ADH5: variants seen among roughly 807,000 people sequenced by gnomAD.
ADH5 encodes alcohol dehydrogenase class-3.
ADH5 carries 32 observed loss-of-function variants against 40.3 expected under a neutral mutation model. The observed-to-expected ratio is 0.79, with a 90% CI of 0.60 to 1.07. The LOEUF (loss-of-function observed/expected upper bound fraction) is 1.07. Among genes scored for constraint, ADH5 ranks in the 50% least tolerant of loss-of-function variants. The probability of loss-of-function intolerance (pLI) is 0.00; values close to 1 mark genes in which losing one functional copy is unlikely to be tolerated. For missense variants in ADH5, 353 were observed against 460.5 expected, an observed-to-expected ratio of 0.77 and a Z score of 2.14; for synonymous variants, 125 against 154.3, an observed-to-expected ratio of 0.81 and a Z score of 1.41.
intron 3 of ADH5, 189 bp from the exon 4 acceptor site, chr4:99,081,641 C>T (rs1728025925): frequency 1.7e-6 from 1 of 576,592 alleles, no homozygotes; most frequent in Non-Finnish European, 3.1e-6. Flanking sequence ...ATATTTTTAT[C>T]TAAATGAAAC....
At chr4:99,085,579 C>A in intron 1 of ADH5, 1 of 351,250 alleles carries the variant, frequency 2.8e-6, no homozygotes, top group Non-Finnish European at 5.7e-6. Flanking sequence ...TTAACATATG[C>A]CTGAAGAAAT....
intron 6 of ADH5, 81 bp from the exon 7 acceptor site, chr4:99,075,130 G>T: frequency 7.7e-7 from 1 of 1,292,926 alleles, no homozygotes; most frequent in South Asian, 2.3e-5. Flanking sequence ...TTCTAGAGAT[G>T]GCATAGTTTT....
chr4:99,088,535 C>G (rs1728196497), intron 1 of ADH5, among the ~76,000 whole-genome samples, 154 bp downstream of exon 1: 1 of 151,228 alleles, frequency 6.6e-6, no homozygotes, highest in African/African-American at 2.4e-5. Flanking sequence ...CTCTTTCTGC[C>G]CCTCTGAGCC....
intron 4 of ADH5, among the ~76,000 whole-genome samples, chr4:99,078,550 G>A (rs1013827668): frequency 7.9e-5 from 12 of 152,088 alleles, no homozygotes; most frequent in African/African-American, 2.9e-4. Context: ...ACAAGCACGT[G>A]CCACCAAGCC....
At chr4:99,076,626 G>A in intron 5 of ADH5, 74 bp from the exon 6 acceptor site, 1 of 1,592,236 alleles carries the variant, frequency 6.3e-7, no homozygotes, top group Non-Finnish European at 8.6e-7. Context: ...ATACAGATTG[G>A]CCAATTTCAC....
At position 99,085,142 on chromosome 4, in the gene ADH5, G is replaced by A; in HGVS notation, c.87C>T (p.Pro29=). The A allele has an allele frequency of 1.3e-6, 2 of 1,534,458 alleles. No homozygotes were observed. The highest frequency in any genetic ancestry group is 2.1e-5 in the Admixed American group (1 of 47,696). ...PLSIEEIEVA[P]PKAHEVRIKI... ...TGATTCGAACTTCATGAGCCTTTGG[G>A]GGTGCCACCTCTATCTCCTCTATGG... is the stretch of plus-strand genomic sequence containing the variant. Residue 29 remains proline, a synonymous_variant, in exon 2 of 9, where the codon CCC becomes CCT. Transcript: ENST00000296412.
Position 99,072,601 on chromosome 4 carries a change from CT to C in ADH5, c.1071del (p.Ala358ProfsTer4). On this transcript the variant is annotated frameshift_variant, in exon 8 of 9. Transcript: ENST00000296412. LOFTEE classifies it high-confidence loss of function. The stretch of plus-strand genomic sequence containing the variant: ...TTTCCAGAATGCATCAGTTCAAAGG[CT>C]TTGTTGATTTCATCAAAAGACAGAT... ...THNLSFDEIN[K>X]AFELMHSGKS... The C allele has an allele frequency of 6.2e-7, 1 of 1,613,382 alleles. No homozygotes were observed. Among genetic ancestry groups the C allele is most frequent in the Non-Finnish European group, 8.5e-7 (1 of 1,179,694 alleles).
At chr4:99,086,734 G>T (rs1728141156) in intron 1 of ADH5, among the ~76,000 whole-genome samples, 1 of 151,344 alleles carries the variant, frequency 6.6e-6, no homozygotes, top group Admixed American at 6.6e-5. Context: ...CACGAGGTCA[G>T]GAGATCGAGA....
intron 2 of ADH5, among the ~76,000 whole-genome samples, chr4:99,082,377 T>C (rs1266797160): frequency 6.6e-6 from 1 of 152,200 alleles, no homozygotes; most frequent in Non-Finnish European, 1.5e-5. Context: ...CTAGTCCCCC[T>C]TTCAGCGCGC....
intron 2 of ADH5, among the ~76,000 whole-genome samples, chr4:99,084,895 A>G (rs1728100486): frequency 6.6e-6 from 1 of 152,202 alleles, no homozygotes; most frequent in South Asian, 2.1e-4. Flanking sequence ...CCATGGGGAT[A>G]GCTGCTCAGC....
intron 4 of ADH5, among the ~76,000 whole-genome samples, chr4:99,080,995 T>G (rs1728015972): frequency 1.3e-5 from 2 of 152,224 alleles, no homozygotes; most frequent in African/African-American, 4.8e-5. Flanking sequence ...TCTCTCTCCC[T>G]TTCCCACGCA....
chr4:99,072,769 A>T (rs1727857938), intron 7 of ADH5, 58 bp from the exon 8 acceptor site: 2 of 1,508,660 alleles, frequency 1.3e-6, no homozygotes, highest in Admixed American at 4.0e-5. Flanking sequence ...CTTGTTACTT[A>T]GCTGAGGACA....
At position 99,072,370 on chromosome 4, in the gene ADH5, G is replaced by T; in HGVS notation, c.*47C>A. The T allele has an allele frequency of 1.9e-6, 3 of 1,595,374 alleles. No individual in the cohort carries two copies. Among genetic ancestry groups the T allele is most frequent in the Non-Finnish European group, 2.6e-6 (3 of 1,165,780 alleles). Reference sequence around the variant, plus strand: ...GGCGCTTCTCCCTGCCTGTTAAGCTGCTCCTATCACATCACGACAGGATGG... The same window carrying T: ...GGCGCTTCTCCCTGCCTGTTAAGCTTCTCCTATCACATCACGACAGGATGG... On this transcript the variant is annotated 3_prime_UTR_variant, in exon 9 of 9. Coordinates refer to ENST00000296412, the MANE Select transcript of ADH5 (RefSeq NM_000671.4).
At chr4:99,083,858 G>A (rs1043772238) in intron 2 of ADH5, among the ~76,000 whole-genome samples, 3 of 152,094 alleles carry the variant, frequency 2.0e-5, no homozygotes, top group Non-Finnish European at 4.4e-5. Context: ...AACACATGAA[G>A]TTTTCTACAT....
chr4:99,076,478 C>T lies in ADH5; in HGVS notation c.639G>A (p.Val213=). The T allele has an allele frequency of 6.2e-7, 1 of 1,614,162 alleles. No individual in the cohort carries two copies. The highest frequency in any genetic ancestry group is 8.5e-7 in the Non-Finnish European group (1 of 1,180,006). ...CACCAATGATCCGGGAAGCACCAGC[C>T]ACTTTACAGCCCATGATAACTGCCA... ...VGLAVIMGCK[V]AGASRIIGVD... Residue 213 remains valine (V), a synonymous_variant, in exon 6 of 9, where the codon GTG becomes GTA. Coordinates refer to ENST00000296412, the MANE Select transcript of ADH5 (RefSeq NM_000671.4).
At chr4:99,085,662 G>C (rs1579366639) in intron 1 of ADH5, 2 of 275,790 alleles carry the variant, frequency 7.3e-6, no homozygotes, top group Non-Finnish European at 1.5e-5. Context: ...GATTAGGAGT[G>C]TAACAGTGAG....
intron 3 of ADH5, 193 bp from the exon 4 acceptor site, chr4:99,081,645 A>G (rs1728025973): frequency 1.7e-6 from 1 of 580,408 alleles, no homozygotes; most frequent in African/African-American, 1.9e-5. Context: ...TTTTATCTAA[A>G]TGAAACTCTT....
chr4:99,075,061 G>A lies in ADH5; in HGVS notation c.826-12C>T. The A allele has an allele frequency of 6.3e-7, 1 of 1,593,022 alleles. No homozygotes were observed. The highest frequency in any genetic ancestry group is 8.6e-7 in the Non-Finnish European group (1 of 1,167,988). On this transcript the variant is annotated splice_polypyrimidine_tract_variant and intron_variant, in intron 6 of 8. Coordinates refer to ENST00000296412, the MANE Select transcript of ADH5 (RefSeq NM_000671.4). ...TCAAGTGCTGCTCTCTGCAGGCACA[G>A]AGATATGACCAAATCACAGAAGTCA...
Position 99,072,141 on chromosome 4 carries a change from G to A in ADH5, c.*276C>T, listed in dbSNP as rs571851602. ...TGACAATGATGACAGCATAAAACAA[G>A]ACAATTTCCACACAAATGTAGAAAT... On this transcript the variant is annotated 3_prime_UTR_variant, in exon 9 of 9. Coordinates refer to ENST00000296412, the MANE Select transcript of ADH5 (RefSeq NM_000671.4). The A allele has an allele frequency of 1.4e-5, 5 of 369,838 alleles. No homozygotes were observed. The South Asian group carries it at 2.9e-4, about 22-fold the overall frequency. The allele number at this position is 369,838 out of a possible 1,614,324, so 22.9% of individuals were successfully genotyped here. A position where few individuals can be genotyped will look rare whatever the true frequency, so the allele number is the denominator to read the frequency against.
Sources: allele counts gnomAD v4.1 joint callset (sites outside exome capture counted in the v4.1 genomes callset), GRCh38; gene constraint gnomAD v4.1.1; transcripts MANE v1.5; gene names NCBI Gene and HGNC (gene_info 2026-07-23, HGNC 2026-07-21).